The following TENM3 variants were observed in gnomAD, a reference collection of about 807,000 sequenced individuals.
The protein encoded by TENM3 is teneurin transmembrane protein 3.
Under a neutral mutation model 255.1 loss-of-function variants are expected in TENM3, and 63 were observed. The ratio of observed to expected loss-of-function variants is 0.25; its 90% CI spans 0.20 to 0.30. TENM3 has a LOEUF of 0.30. Among genes scored for constraint, TENM3 ranks in the 10% least tolerant of loss-of-function variants. The pLI, the probability that TENM3 is intolerant of heterozygous loss-of-function variation, is 1.00. For synonymous variants in TENM3, 1,306 were observed against 1,322.3 expected (o/e 0.99, Z 0.27); for missense variants, 2,929 against 3,461.1 (o/e 0.85, Z 3.86).
At chr4:182,697,739 A>T (rs946260884) in intron 12 of TENM3, among the ~76,000 whole-genome samples, 1 of 152,126 alleles carries the variant, frequency 6.6e-6, no homozygotes, top group Non-Finnish European at 1.5e-5. Flanking sequence ...TTCAGTTAAC[A>T]GTTTTATAAA....
At chr4:182,296,145 T>A (rs1761477341) in intron 1 of TENM3, among the ~76,000 whole-genome samples, 1 of 152,106 alleles carries the variant, frequency 6.6e-6, no homozygotes. Flanking sequence ...GTATGTTTAG[T>A]AGAGACAGGG....
At chr4:182,171,732 A>G (rs1273302903) in intron 1 of TENM3, among the ~76,000 whole-genome samples, 1 of 152,212 alleles carries the variant, frequency 6.6e-6, no homozygotes, top group Non-Finnish European at 1.5e-5. Context: ...TAGAACATTC[A>G]GATAAAAAAC....
the TENM3 span, among the ~76,000 whole-genome samples, chr4:181,534,112 C>A: frequency 6.6e-6 from 1 of 151,842 alleles, no homozygotes; most frequent in Non-Finnish European, 1.5e-5. Flanking sequence ...CATTCAAGGC[C>A]GGGTGCAGTG....
chr4:182,003,107 C>T, the TENM3 span, among the ~76,000 whole-genome samples: 1 of 152,080 alleles, frequency 6.6e-6, no homozygotes, highest in East Asian at 1.9e-4. Flanking sequence ...AGATGCACAG[C>T]ATGCAGGTAA....
chr4:182,387,757 A>G (rs571736020), intron 3 of TENM3, among the ~76,000 whole-genome samples: 3 of 151,820 alleles, frequency 2.0e-5, no homozygotes, highest in African/African-American at 7.3e-5. Context: ...CCACGAACCC[A>G]CCAGAAGGAA....
chr4:182,743,127 A>G (rs749792761), intron 18 of TENM3, 43 bp from the exon 19 acceptor site: 12 of 1,554,372 alleles, frequency 7.7e-6, no homozygotes, highest in African/African-American at 1.4e-5. Context: ...TCATCTTTAC[A>G]CTTTTTCATC....
the TENM3 span, among the ~76,000 whole-genome samples, chr4:181,763,679 G>A: frequency 1.3e-5 from 2 of 152,180 alleles, no homozygotes; most frequent in Admixed American, 1.3e-4. Flanking sequence ...GCCTTGCAAA[G>A]CCTAAAATAT....
chr4:181,562,563 G>A, the TENM3 span, among the ~76,000 whole-genome samples: 81 of 151,566 alleles, frequency 5.3e-4, no homozygotes, highest in Admixed American at 1.2e-3. Flanking sequence ...CTCTATTTTA[G>A]TTTTTTTTCT....
the TENM3 span, among the ~76,000 whole-genome samples, chr4:181,827,191 G>A: frequency 0.85 from 130,049 of 152,116 alleles, 57,117 homozygotes; most frequent in Non-Finnish European, 0.95. Flanking sequence ...GTCTGTTAGC[G>A]CTAATTGGTA....
chr4:182,424,017 A>C (rs1355932766), intron 3 of TENM3, among the ~76,000 whole-genome samples: 1 of 152,202 alleles, frequency 6.6e-6, no homozygotes, highest in Non-Finnish European at 1.5e-5. Flanking sequence ...CCACAAGTAC[A>C]GTATATTTTT....
chr4:181,914,172 G>C, the TENM3 span, among the ~76,000 whole-genome samples: 1 of 152,200 alleles, frequency 6.6e-6, no homozygotes, highest in Non-Finnish European at 1.5e-5. Flanking sequence ...AGACTTCAAA[G>C]TTCTCCCAAT....
the TENM3 span, among the ~76,000 whole-genome samples, chr4:181,640,195 C>T: frequency 2.0e-5 from 3 of 152,110 alleles, no homozygotes; most frequent in South Asian, 4.1e-4. Flanking sequence ...TGCCAATTCT[C>T]AGTCCCTACT....
the TENM3 span, among the ~76,000 whole-genome samples, chr4:181,608,663 A>C: frequency 4.8e-4 from 73 of 152,348 alleles, no homozygotes; most frequent in African/African-American, 1.7e-3. Context: ...AATTAGCAGC[A>C]TACAGACCCA....
At chr4:182,095,776 T>C in the TENM3 span, among the ~76,000 whole-genome samples, 2 of 152,170 alleles carry the variant, frequency 1.3e-5, no homozygotes, top group South Asian at 2.1e-4. Flanking sequence ...CTATCCCAGT[T>C]ACCCTAATTT....
the TENM3 span, among the ~76,000 whole-genome samples, chr4:181,466,180 C>T: frequency 2.1e-5 from 3 of 146,092 alleles, no homozygotes; most frequent in Non-Finnish European, 4.5e-5. Flanking sequence ...TGTAATGGTG[C>T]GATCTCAACC....
At chr4:182,606,029 C>T (rs1748384961) in intron 4 of TENM3, among the ~76,000 whole-genome samples, 3 of 152,206 alleles carry the variant, frequency 2.0e-5, no homozygotes, top group Non-Finnish European at 4.4e-5. Flanking sequence ...AGGTTGAATG[C>T]AGGTAAGGCT....
At chr4:181,875,871 C>G in the TENM3 span, among the ~76,000 whole-genome samples, 2 of 150,396 alleles carry the variant, frequency 1.3e-5, no homozygotes, top group African/African-American at 4.9e-5. Flanking sequence ...TTGAATATGC[C>G]CAAACATCCC....
rs1767503271 is a variant in TENM3, at chr4:182,380,685, G to A, written c.511+33756G>A. ...AATAGAGGGGAAAGGATTCAAAATT[G>A]TTATTTAAAATGCCTCCCAACTGTG... On this transcript the variant is annotated intron_variant, in intron 3 of 27. Transcript: ENST00000511685. Among the ~76,000 whole-genome samples, 4 of 152,146 alleles carry A rather than the reference G, an allele frequency of 2.6e-5. No homozygotes were observed. In the South Asian group the frequency reaches 6.2e-4, roughly 24 times the overall value.
chr4:181,921,701 C>G, the TENM3 span, among the ~76,000 whole-genome samples: 1 of 152,182 alleles, frequency 6.6e-6, no homozygotes, highest in Non-Finnish European at 1.5e-5. Flanking sequence ...TTGACTTTCT[C>G]TTTTCCTAAT....
Sources: gnomAD v4.1 joint callset for allele counts (sites outside exome capture counted in the v4.1 genomes callset) on GRCh38, gnomAD v4.1.1 for gene constraint, MANE v1.5 for transcripts, NCBI Gene and HGNC (gene_info 2026-07-23, HGNC 2026-07-21) for gene names.